Variants in LRCH1 observed in about 807,000 individuals in gnomAD.
The protein encoded by LRCH1 is leucine-rich repeat and calponin homology domain-containing protein 1.
A neutral mutation model predicts 94.9 loss-of-function variants in LRCH1; 23 were observed. The ratio of observed to expected loss-of-function variants is 0.24; its 90% CI spans 0.17 to 0.34. The LOEUF (loss-of-function observed/expected upper bound fraction) is 0.34. Ranked by LOEUF, LRCH1 falls within the 10% of genes least tolerant of loss-of-function variation. The pLI is 1.00. For missense variants in LRCH1, 790 were observed against 945.9 expected, an observed-to-expected ratio of 0.84 and a Z score of 2.16; for synonymous variants, 364 against 354.9, an observed-to-expected ratio of 1.03 and a Z score of -0.29.
At position 46,705,124 on chromosome 13, in the gene LRCH1, CAGAAGCCTT is replaced by C; in HGVS notation, c.1462_1470del (p.Ala488_Glu490del). 6.2e-7 allele frequency: 1 copy of C among 1,609,342 alleles called. No homozygotes were observed. The highest frequency in any genetic ancestry group is 1.1e-5 in the South Asian group (1 of 89,702). ...TTAAACCTATATCCTATGGGATCAG[CAGAAGCCTT>C]AGAATTACAAGATTCTGCACTGAAG... On this transcript the variant is annotated inframe_deletion, in exon 12 of 20. Transcript: ENST00000389797.
At chr13:46,740,386 T>C (rs555299840) in intron 19 of LRCH1, among the ~76,000 whole-genome samples, 1 of 152,252 alleles carries the variant, frequency 6.6e-6, no homozygotes, top group Admixed American at 6.5e-5. Flanking sequence ...TTAGAATGTT[T>C]TTAATCTTAT....
intron 7 of LRCH1, 67 bp from the exon 8 acceptor site, chr13:46,692,469 A>C: frequency 1.8e-6 from 2 of 1,104,002 alleles, no homozygotes; most frequent in South Asian, 1.3e-5. Context: ...GTTTTATTAC[A>C]TAGCATTCTC....
At chr13:46,586,493 G>A (rs1187225574) in intron 1 of LRCH1, among the ~76,000 whole-genome samples, 1 of 152,144 alleles carries the variant, frequency 6.6e-6, no homozygotes, top group Non-Finnish European at 1.5e-5. Context: ...TTAGCTCACT[G>A]CAGCTTCCAC....
chr13:46,732,150 C>G (rs1873141574), intron 18 of LRCH1, among the ~76,000 whole-genome samples: 2 of 152,218 alleles, frequency 1.3e-5, no homozygotes, highest in Admixed American at 1.3e-4. Context: ...AGCATCTTTT[C>G]TACCAGTATT....
Position 46,715,634 on chromosome 13 carries a change from A to G in LRCH1, c.1729A>G (p.Ser577Gly). 7.2e-6 allele frequency: 11 copies of G among 1,536,886 alleles called. No individual in the cohort carries two copies. Among genetic ancestry groups the G allele is most frequent in the Non-Finnish European group, 9.6e-6 (11 of 1,146,544 alleles). The change falls in exon 16 of 20, where the codon AGT becomes GGT. Residue 577 changes from serine to glycine, a missense_variant. By Grantham distance (56) the Ser-to-Gly change is moderately conservative. Around this residue, in one of 3 missense-constraint regions of LRCH1, gnomAD observed 460 missense variants for 508.9 expected, o/e 0.90. Transcript: ENST00000389797. Reference protein sequence around the residue: ...QAQTWDSSSYSVPSEGDSDNV... With the variant: ...QAQTWDSSSYGVPSEGDSDNV... ...ACAGACATGGGACAGCTCTAGCTAC[A>G]GTGTTCCATCTGAAGGAGACAGTGA...
chr13:46,665,438 A>G (rs564834785), intron 2 of LRCH1, among the ~76,000 whole-genome samples: 134 of 152,330 alleles, frequency 8.8e-4, no homozygotes, highest in African/African-American at 3.1e-3. Context: ...TATCCTGCAA[A>G]TTTAGGCTGC....
intron 1 of LRCH1, among the ~76,000 whole-genome samples, chr13:46,588,933 A>G (rs1481277919): frequency 2.6e-5 from 4 of 151,836 alleles, no homozygotes; most frequent in Non-Finnish European, 5.9e-5. Flanking sequence ...GTGTGTGTAT[A>G]TGTGTATGTG....
intron 1 of LRCH1, among the ~76,000 whole-genome samples, chr13:46,642,471 C>T (rs541361078): frequency 1.3e-4 from 20 of 152,250 alleles, no homozygotes; most frequent in Middle Eastern, 3.4e-3. Flanking sequence ...GCACCTGCCT[C>T]GCTAGGTTGT....
At position 46,694,948 on chromosome 13, in the gene LRCH1, C is replaced by A; in HGVS notation, c.1176C>A (p.Asn392Lys). 1 of 1,614,154 alleles carries A rather than the reference C, an allele frequency of 6.2e-7. No homozygotes were observed. Among genetic ancestry groups the A allele is most frequent in the Admixed American group, 1.7e-5 (1 of 60,026 alleles). ...PEPSLLGDSTNSGEERDQFTD... is the reference protein window; with the variant it reads ...PEPSLLGDSTKSGEERDQFTD... ...CTTCCCTTTTGGGTGACAGCACCAA[C>A]TCAGGAGAAGAAAGAGACCAGTTTA... The change falls in exon 9 of 20, where the codon AAC becomes AAA. Residue 392 changes from asparagine to lysine, a missense_variant. Coordinates refer to ENST00000389797, the MANE Select transcript of LRCH1 (RefSeq NM_001164211.2).
intron 16 of LRCH1, among the ~76,000 whole-genome samples, chr13:46,722,545 C>T (rs1001606688): frequency 3.9e-5 from 6 of 152,128 alleles, no homozygotes; most frequent in Admixed American, 6.5e-5. Context: ...CAGAGGATGC[C>T]CCGCTGTTAG....
intron 2 of LRCH1, among the ~76,000 whole-genome samples, chr13:46,666,994 C>T (rs2051525901): frequency 6.6e-6 from 1 of 152,166 alleles, no homozygotes. Flanking sequence ...TGCCCTTATT[C>T]TCTTGGTCCA....
chr13:46,717,040 T>C (rs1045586945), intron 16 of LRCH1, among the ~76,000 whole-genome samples: 2 of 147,858 alleles, frequency 1.4e-5, no homozygotes, highest in African/African-American at 2.5e-5. Context: ...AGGAATGATA[T>C]CTGAAACCAA....
intron 1 of LRCH1, among the ~76,000 whole-genome samples, chr13:46,557,750 G>A (rs2050081604): frequency 6.6e-6 from 1 of 152,046 alleles, no homozygotes; most frequent in Non-Finnish European, 1.5e-5. Flanking sequence ...GGCTGAGGTG[G>A]GAGAATCACT....
chr13:46,744,460 C>G lies in LRCH1; in HGVS notation c.*2612C>G, dbSNP rs1177682699. On this transcript the variant is annotated 3_prime_UTR_variant, in exon 20 of 20. Transcript: ENST00000389797. The stretch of plus-strand genomic sequence containing the variant: ...AAATTTGTGACACCTAATTTCTAAT[C>G]ATCTTTCCTATTTATGGATTTCTGG... The G allele has an allele frequency of 2.0e-6, 2 of 985,268 alleles. No individual in the cohort carries two copies. Among genetic ancestry groups the G allele is most frequent in the Non-Finnish European group, 2.4e-6 (2 of 829,914 alleles). The allele number at this position is 985,268 out of a possible 1,614,324, so 61.0% of individuals were successfully genotyped here.
At chr13:46,648,509 C>T (rs2051251759) in intron 1 of LRCH1, among the ~76,000 whole-genome samples, 1 of 152,214 alleles carries the variant, frequency 6.6e-6, no homozygotes, top group Non-Finnish European at 1.5e-5. Flanking sequence ...AGCTCATCCT[C>T]TCAGGGCTCT....
chr13:46,573,556 A>G (rs551549001), intron 1 of LRCH1, among the ~76,000 whole-genome samples: 2 of 152,254 alleles, frequency 1.3e-5, no homozygotes, highest in East Asian at 3.9e-4. Flanking sequence ...CATAAAAAGA[A>G]TGAGATCCTG....
chr13:46,643,634 T>G (rs2051186191), intron 1 of LRCH1, among the ~76,000 whole-genome samples: 2 of 152,200 alleles, frequency 1.3e-5, no homozygotes, highest in South Asian at 4.1e-4. Flanking sequence ...TGGTGTGCTC[T>G]CAAAGACACA....
intron 13 of LRCH1, among the ~76,000 whole-genome samples, chr13:46,710,508 G>A (rs1251847168): frequency 6.6e-6 from 1 of 152,206 alleles, no homozygotes; most frequent in Non-Finnish European, 1.5e-5. Context: ...AAATTGCATG[G>A]CTCATACATA....
chr13:46,651,286 C>A (rs1312426346), intron 2 of LRCH1, among the ~76,000 whole-genome samples: 1 of 152,196 alleles, frequency 6.6e-6, no homozygotes, highest in Non-Finnish European at 1.5e-5. Context: ...GGTATAATGT[C>A]AGTGGTTTTT....
Sources: allele counts gnomAD v4.1 joint callset (sites outside exome capture counted in the v4.1 genomes callset), GRCh38; gene constraint gnomAD v4.1.1; regional missense constraint gnomAD v4.1.1; transcripts MANE v1.5; gene names NCBI Gene and HGNC (gene_info 2026-07-23, HGNC 2026-07-21).